Variants in RTL4 observed in about 807,000 individuals in gnomAD.
RTL4 encodes retrotransposon Gag-like protein 4.
In RTL4, 4 loss-of-function variants were observed where a neutral mutation model predicts 5.3. The observed-to-expected ratio is 0.75, with a 90% CI of 0.37 to 1.72. The LOEUF is 1.72. Among genes scored for constraint, RTL4 ranks in the 40% most tolerant of loss-of-function variants. The pLI is 0.04. For missense variants in RTL4, 260 were observed against 227.1 expected (o/e 1.14, Z -0.93); for synonymous variants, 98 against 87.3 (o/e 1.12, Z -0.68).
At chrX:112,442,242 T>G in the RTL4 span, among the ~76,000 whole-genome samples, 4 of 106,394 alleles carry the variant, frequency 3.8e-5, no homozygotes, top group Non-Finnish European at 7.6e-5. Context: ...ACATTTACAT[T>G]TCTTTTTTTT....
chrX:112,291,367 T>TACACACACACACAC, the RTL4 span, among the ~76,000 whole-genome samples: 9 of 95,389 alleles, frequency 9.4e-5, no homozygotes, highest in Non-Finnish European at 1.5e-4. Flanking sequence ...TGTATGTTTG[T>TACACACACACACAC]ACACACACAC....
At chrX:112,365,908 C>T in the RTL4 span, among the ~76,000 whole-genome samples, 1 of 111,636 alleles carries the variant, frequency 9.0e-6, no homozygotes, top group East Asian at 2.8e-4. Context: ...CCATTCAATG[C>T]TTCTGGGTGG....
chrX:112,309,331 A>G, the RTL4 span, among the ~76,000 whole-genome samples: 1 of 110,659 alleles, frequency 9.0e-6, no homozygotes, highest in African/African-American at 3.3e-5. Context: ...TAATCCTATC[A>G]TGAGAGCTCT....
the RTL4 span, among the ~76,000 whole-genome samples, chrX:112,116,190 G>GA: frequency 9.0e-6 from 1 of 111,452 alleles, no homozygotes; most frequent in Admixed American, 9.5e-5. Context: ...AAATTCTAAG[G>GA]AAAAATAGGA....
At chrX:112,389,607 CATT>C in the RTL4 span, among the ~76,000 whole-genome samples, 1 of 111,511 alleles carries the variant, frequency 9.0e-6, no homozygotes, top group Non-Finnish European at 1.9e-5. Context: ...TTTTTGTTCT[CATT>C]ATTAGTTTCA....
the RTL4 span, among the ~76,000 whole-genome samples, chrX:112,387,779 G>A: frequency 3.3e-4 from 37 of 111,675 alleles, no homozygotes; most frequent in South Asian, 3.8e-4. Flanking sequence ...ATTGGTCTAC[G>A]TGTCTGGTTG....
the RTL4 span, among the ~76,000 whole-genome samples, chrX:112,188,957 GT>G: frequency 9.0e-6 from 1 of 111,023 alleles, no homozygotes; most frequent in Admixed American, 9.6e-5. Context: ...TAGAGCCCAG[GT>G]ATCCTGGGCT....
At chrX:112,437,375 ATAAT>A in the RTL4 span, among the ~76,000 whole-genome samples, 1 of 112,175 alleles carries the variant, frequency 8.9e-6, no homozygotes, top group African/African-American at 3.2e-5. Flanking sequence ...AATATAGCTA[ATAAT>A]TTAGTTCTGT....
chrX:112,341,584 G>A, the RTL4 span, among the ~76,000 whole-genome samples: 1 of 111,848 alleles, frequency 8.9e-6, no homozygotes, highest in Admixed American at 9.5e-5. Context: ...TTGGTGGCCT[G>A]TATAGATACA....
At chrX:112,218,785 C>T in the RTL4 span, among the ~76,000 whole-genome samples, 68 of 112,053 alleles carry the variant, frequency 6.1e-4, 1 homozygote, top group Non-Finnish European at 1.1e-3. Flanking sequence ...GTAGCTACCA[C>T]CATGTAGACA....
chrX:112,441,300 T>C, the RTL4 span, among the ~76,000 whole-genome samples: 52,641 of 110,020 alleles, frequency 0.48, 9,520 homozygotes, highest in African/African-American at 0.63. Context: ...AATGTTTGCT[T>C]TTCATGGAAT....
At chrX:112,159,474 T>A in the RTL4 span, among the ~76,000 whole-genome samples, 1 of 111,658 alleles carries the variant, frequency 9.0e-6, no homozygotes, top group Non-Finnish European at 1.9e-5. Context: ...ACGGTGCCAA[T>A]CTCAGGTACC....
At chrX:112,273,454 T>G in the RTL4 span, among the ~76,000 whole-genome samples, 1 of 110,853 alleles carries the variant, frequency 9.0e-6, no homozygotes, top group African/African-American at 3.3e-5. Flanking sequence ...GTGTTTCACC[T>G]TGTTAGCCAG....
chrX:112,101,182 C>T, the RTL4 span, among the ~76,000 whole-genome samples: 21 of 111,562 alleles, frequency 1.9e-4, no homozygotes, highest in African/African-American at 5.5e-4. Context: ...GCCATAATTT[C>T]GTAGTTTGTG....
chrX:112,263,669 G>C, the RTL4 span, among the ~76,000 whole-genome samples: 1 of 111,689 alleles, frequency 9.0e-6, no homozygotes, highest in African/African-American at 3.3e-5. Flanking sequence ...GAATACTTCT[G>C]AGGATCTAAA....
chrX:112,085,394 C>T, the RTL4 span, among the ~76,000 whole-genome samples: 2 of 112,576 alleles, frequency 1.8e-5, no homozygotes, highest in South Asian at 7.4e-4. Context: ...TCTCTTCTTA[C>T]AGCCTTGACC....
the RTL4 span, among the ~76,000 whole-genome samples, chrX:112,140,959 T>A: frequency 6.5e-4 from 73 of 111,817 alleles, 2 homozygotes; most frequent in Non-Finnish European, 1.1e-4. Context: ...ACAACTACAG[T>A]CTCATGCTGG....
the RTL4 span, among the ~76,000 whole-genome samples, chrX:112,330,180 A>G: frequency 2.9e-5 from 3 of 104,428 alleles, no homozygotes; most frequent in Non-Finnish European, 5.8e-5. Context: ...CAGGAGAAGG[A>G]AATAAAGGGT....
the RTL4 span, among the ~76,000 whole-genome samples, chrX:112,297,383 A>G: frequency 8.9e-6 from 1 of 111,852 alleles, no homozygotes; most frequent in East Asian, 2.8e-4. Context: ...CAGGGGACTT[A>G]CAATAATGGC....
Sources: gnomAD v4.1 joint callset for allele counts (sites outside exome capture counted in the v4.1 genomes callset) on GRCh38, gnomAD v4.1.1 for gene constraint, MANE v1.5 for transcripts, NCBI Gene and HGNC (gene_info 2026-07-23, HGNC 2026-07-21) for gene names.